The following CREBBP variants were observed in gnomAD, a reference collection of about 807,000 sequenced individuals.
The protein encoded by CREBBP is CREB-binding protein.
In CREBBP, 19 loss-of-function variants were observed where a neutral mutation model predicts 265.0. The observed-to-expected ratio is 0.07, with a 90% CI of 0.05 to 0.11. The LOEUF is 0.11. Among genes scored for constraint, CREBBP ranks in the 10% least tolerant of loss-of-function variants. The pLI, the probability that CREBBP is intolerant of heterozygous loss-of-function variation, is 1.00. For synonymous variants in CREBBP, 1,457 were observed against 1,223.7 expected (o/e 1.19, Z -3.98); for missense variants, 2,525 against 3,219.0 (o/e 0.78, Z 5.22).
Position 3,725,555 on chromosome 16 carries a change from A to G in CREBBP, c.*2163T>C, listed in dbSNP as rs1165904520. 4.3e-6 allele frequency: 1 copy of G among 233,208 alleles called. No homozygotes were observed. The highest frequency in any genetic ancestry group is 8.5e-6 in the Non-Finnish European group (1 of 118,084). 14.4% of individuals were successfully genotyped at this position (233,208 alleles called of 1,614,324 possible). On this transcript the variant is annotated 3_prime_UTR_variant, in exon 31 of 31. Coordinates refer to ENST00000262367, the MANE Select transcript of CREBBP (RefSeq NM_004380.3). The stretch of plus-strand genomic sequence containing the variant: ...ACCCAGCAGGCCGAGCAGTGGCAGC[A>G]ATCTCCACCGGAGGCCCGGCCTGTG...
At chr16:3,854,798 CTT>C (rs1172958388) in intron 1 of CREBBP, among the ~76,000 whole-genome samples, 3 of 152,232 alleles carry the variant, frequency 2.0e-5, no homozygotes, top group African/African-American at 7.2e-5. Context: ...ACCAGTCCCT[CTT>C]GTCAGTCTAG....
intron 2 of CREBBP, among the ~76,000 whole-genome samples, chr16:3,823,772 C>T (rs796841330): frequency 2.0e-5 from 3 of 152,174 alleles, no homozygotes; most frequent in East Asian, 3.9e-4. Flanking sequence ...GAGGGATGGA[C>T]CTGAATGCAT....
intron 2 of CREBBP, among the ~76,000 whole-genome samples, chr16:3,834,567 G>A (rs964807721): frequency 1.3e-5 from 2 of 152,128 alleles, no homozygotes; most frequent in South Asian, 2.1e-4. Context: ...GGCTTTTAGG[G>A]CAGTGAAAAT....
rs2151317875 is a variant in CREBBP, at chr16:3,731,507, G to A, written c.4891-34C>T. 21 of 1,560,030 alleles carry A rather than the reference G, an allele frequency of 1.3e-5. No individual in the cohort carries two copies. The highest frequency in any genetic ancestry group is 1.8e-5 in the Non-Finnish European group (21 of 1,155,798). On this transcript the variant is annotated intron_variant, in intron 29 of 30. Coordinates refer to ENST00000262367, the MANE Select transcript of CREBBP (RefSeq NM_004380.3). This position sits in a 1 kb window ranked among gnomAD's most constrained non-coding sequence, Gnocchi z 7.7. ...GAGGAGGGGCTTTAGTCCCACACAA[G>A]GGACATGGCACCTCCAGTGGTGAGC...
intron 1 of CREBBP, among the ~76,000 whole-genome samples, chr16:3,861,548 T>C (rs184976612): frequency 6.6e-6 from 1 of 151,600 alleles, no homozygotes; most frequent in African/African-American, 2.4e-5. Context: ...GCTAATAAAC[T>C]CATCCCTGCT....
At chr16:3,749,108 C>T (rs2052416347) in intron 21 of CREBBP, among the ~76,000 whole-genome samples, 1 of 152,226 alleles carries the variant, frequency 6.6e-6, no homozygotes, top group African/African-American at 2.4e-5. Context: ...GATCGTGCCA[C>T]TGCACTCCAG....
At chr16:3,862,262 G>A (rs2055092090) in intron 1 of CREBBP, among the ~76,000 whole-genome samples, 1 of 152,184 alleles carries the variant, frequency 6.6e-6, no homozygotes, top group Admixed American at 6.5e-5. Flanking sequence ...CAACTCCAAA[G>A]AGGCAGGGAC....
At chr16:3,868,801 C>T (rs1443977757) in intron 1 of CREBBP, among the ~76,000 whole-genome samples, 1 of 152,202 alleles carries the variant, frequency 6.6e-6, no homozygotes, top group Non-Finnish European at 1.5e-5. Context: ...CTCAGAGTTC[C>T]ATGAGGACAG....
At chr16:3,740,837 A>G (rs868005011) in intron 23 of CREBBP, 1 of 448,182 alleles carries the variant, frequency 2.2e-6, no homozygotes, top group Middle Eastern at 6.8e-4. Flanking sequence ...TGGGTCCAAA[A>G]TTGACAGGGG....
At chr16:3,853,939 AAAAC>A (rs550524407) in intron 1 of CREBBP, among the ~76,000 whole-genome samples, 111 of 151,666 alleles carry the variant, frequency 7.3e-4, no homozygotes, top group Admixed American at 1.1e-3. Flanking sequence ...CTCCGTCTCA[AAAAC>A]AAACAAACAA....
chr16:3,817,041 G>A (rs2054049758), intron 2 of CREBBP, among the ~76,000 whole-genome samples: 1 of 152,210 alleles, frequency 6.6e-6, no homozygotes, highest in Admixed American at 6.5e-5. Flanking sequence ...CTACCAGTTG[G>A]AGTGGACAGG....
Position 3,770,923 on chromosome 16 carries a change from G to C in CREBBP, c.2527C>G (p.Leu843Val), listed in dbSNP as rs187842756. ...LNMLGPQASQ[L>V]PCPPVTQSPL... Reference sequence around the variant, plus strand: ...GACTGTGTCACTGGAGGGCAAGGTAGCTGGCTGGCCTGAGGCCCCAGCATG... The same window carrying C: ...GACTGTGTCACTGGAGGGCAAGGTACCTGGCTGGCCTGAGGCCCCAGCATG... The change falls in exon 14 of 31, where the codon CTA becomes GTA. Residue 843 changes from leucine (L) to valine (V), a missense_variant. This residue lies in a region of CREBBP where 548 missense variants were observed against 533.0 expected (regional missense o/e 1.03). Coordinates refer to ENST00000262367, the MANE Select transcript of CREBBP (RefSeq NM_004380.3). The C allele has an allele frequency of 2.5e-6, 4 of 1,613,816 alleles. No homozygotes were observed. The highest frequency in any genetic ancestry group is 3.3e-5 in the Admixed American group (2 of 60,014).
rs1429567975 is a variant in CREBBP at position 3,727,303 on chromosome 16, ATAT to A, written c.*412_*414del. The A allele has an allele frequency of 1.1e-5, 3 of 268,842 alleles. No individual in the cohort carries two copies. The highest frequency in any genetic ancestry group is 2.1e-5 in the Non-Finnish European group (3 of 140,354). 16.7% of individuals were successfully genotyped at this position (268,842 alleles called of 1,614,324 possible). On this transcript the variant is annotated 3_prime_UTR_variant, in exon 31 of 31. Transcript: ENST00000262367. ...GCATTATTTCAGGAATCAGTTCTGA[ATAT>A]TATTTTTCTTCTTACTTTTAAACAT... is the stretch of plus-strand genomic sequence containing the variant.
At chr16:3,843,928 C>T (rs1012607132) in intron 2 of CREBBP, among the ~76,000 whole-genome samples, 10 of 151,440 alleles carry the variant, frequency 6.6e-5, no homozygotes, top group African/African-American at 2.4e-4. Context: ...GCGGGCGGAT[C>T]ACGAGGTCAG....
At chr16:3,820,845 G>A (rs964928621) in intron 2 of CREBBP, among the ~76,000 whole-genome samples, 2 of 152,114 alleles carry the variant, frequency 1.3e-5, no homozygotes, top group Non-Finnish European at 2.9e-5. Flanking sequence ...ACACAGCCAC[G>A]ACCAGAATGT....
intron 2 of CREBBP, among the ~76,000 whole-genome samples, chr16:3,841,561 A>T (rs1234684226): frequency 6.6e-6 from 1 of 152,140 alleles, no homozygotes; most frequent in Non-Finnish European, 1.5e-5. Flanking sequence ...GCACTGCTTG[A>T]GCCCAGGAGT....
rs748878152 is a variant in CREBBP, at chr16:3,731,369, G to A, written c.4995C>T (p.Asp1665=). The A allele has an allele frequency of 9.9e-6, 16 of 1,612,842 alleles. No individual in the cohort carries two copies. In the East Asian group the frequency reaches 1.3e-4, roughly 13 times the overall value. ...LLSCDLMDGR[D]AFLTLARDKH... ...TGTCTCTGGCGAGGGTGAGGAAGGCGTCGCGCCCATCCATGAGGTCACAGC... is the reference window on the plus strand; with the variant it reads ...TGTCTCTGGCGAGGGTGAGGAAGGCATCGCGCCCATCCATGAGGTCACAGC... The change falls in exon 30 of 31, where the codon GAC becomes GAT. Residue 1665 remains aspartate, a synonymous_variant. Transcript: ENST00000262367. This position sits in a 1 kb window ranked among gnomAD's most constrained non-coding sequence, Gnocchi z 7.7.
chr16:3,832,636 GTATT>G (rs1471969675), intron 2 of CREBBP, among the ~76,000 whole-genome samples: 6 of 152,188 alleles, frequency 3.9e-5, no homozygotes, highest in Non-Finnish European at 8.8e-5. Context: ...AAAATTGTAA[GTATT>G]TGTGTATCTA....
In CREBBP at chr16:3,728,622, A is replaced by C; in HGVS notation, c.6425T>G (p.Leu2142Arg). 6.2e-7 allele frequency: 1 copy of C among 1,613,444 alleles called. No homozygotes were observed. The highest frequency in any genetic ancestry group is 8.5e-7 in the Non-Finnish European group (1 of 1,179,858). The change falls in exon 31 of 31, where the codon CTG (leucine) becomes CGG (arginine). Residue 2142 changes from leucine to arginine, a missense_variant. By Grantham distance (102) the Leu-to-Arg change is moderately radical. Transcript: ENST00000262367. This position sits in a 1 kb window ranked among gnomAD's most constrained non-coding sequence, Gnocchi z 8.7. ...CGGCACGCCAGCCTGCATGGCATTC[A>C]GGTTCTGCAGGCTGGGCTGCTGGTG... is the stretch of plus-strand genomic sequence containing the variant. ...GMHQQPSLQN[L>R]NAMQAGVPRP...
Sources: allele counts gnomAD v4.1 joint callset (sites outside exome capture counted in the v4.1 genomes callset), GRCh38; gene constraint gnomAD v4.1.1; regional missense constraint gnomAD v4.1.1; non-coding constraint Gnocchi (gnomAD v3.1); transcripts MANE v1.5; gene names NCBI Gene and HGNC (gene_info 2026-07-23, HGNC 2026-07-21).